G3BP2: variants seen among roughly 807,000 people sequenced by gnomAD.
The protein encoded by G3BP2 is G3BP stress granule assembly factor 2, also known as ras GTPase-activating protein-binding protein 2.
A neutral mutation model predicts 56.7 loss-of-function variants in G3BP2; 11 were observed. That is an observed-to-expected ratio of 0.19 (90% confidence interval 0.12 to 0.32). The LOEUF (loss-of-function observed/expected upper bound fraction) is 0.32, where lower values mean the gene tolerates loss of function less well. Among genes scored for constraint, G3BP2 ranks in the 10% least tolerant of loss-of-function variants. The pLI, the probability that G3BP2 is intolerant of heterozygous loss-of-function variation, is 1.00. For synonymous variants in G3BP2, 165 were observed against 191.6 expected, an observed-to-expected ratio of 0.86 and a Z score of 1.15; for missense variants, 340 against 610.9, an observed-to-expected ratio of 0.56 and a Z score of 4.67.
chr4:75,715,853 G>T (rs72855743), intron 3 of G3BP2, among the ~76,000 whole-genome samples: 4,459 of 152,258 alleles, frequency 0.029, 202 homozygotes, highest in African/African-American at 0.1. Context: ...AAAAAACAAA[G>T]ATCCTGGTAT....
chr4:75,675,809 C>T (rs1425780908), upstream of G3BP2, among the ~76,000 whole-genome samples: 1 of 152,114 alleles, frequency 6.6e-6, no homozygotes, highest in Non-Finnish European at 1.5e-5. Flanking sequence ...AAACAAACAC[C>T]ACTGATCTAG....
At chr4:75,653,888 A>G in intron 8 of G3BP2, 95 bp downstream of exon 8, 3 of 655,964 alleles carry the variant, frequency 4.6e-6, no homozygotes, top group South Asian at 3.6e-5. Context: ...TATTTAATCC[A>G]TAATTTCTGA....
In G3BP2 at chr4:75,696,233, C is replaced by G. The variant is rs558158750; in HGVS notation, c.-25+24644G>C. On this transcript the variant is annotated intron_variant, in intron 3 of 3. Transcript: ENST00000499709. ...AGGTGTTGAGGAAGTTAGAGAGGAG[C>G]CAGACAAACCCTAGTATTTATGGTA... Among the ~76,000 whole-genome samples, 9 of 152,176 alleles carry G rather than the reference C, an allele frequency of 5.9e-5. No homozygotes were observed. In the East Asian group the frequency reaches 1.7e-3, roughly 29 times the overall value.
intron 8 of G3BP2, among the ~76,000 whole-genome samples, chr4:75,652,289 AG>A: frequency 6.6e-6 from 1 of 152,298 alleles, no homozygotes; most frequent in Middle Eastern, 3.4e-3. Flanking sequence ...AATACAGATA[AG>A]ATACATGACT....
intron 3 of G3BP2, among the ~76,000 whole-genome samples, chr4:75,681,718 G>A (rs1440022094): frequency 2.7e-5 from 4 of 149,856 alleles, no homozygotes; most frequent in Non-Finnish European, 5.9e-5. Flanking sequence ...GCGTGGTGGT[G>A]TGTGCCTGTA....
chr4:75,692,548 G>A, intron 3 of G3BP2, among the ~76,000 whole-genome samples: 1 of 152,008 alleles, frequency 6.6e-6, no homozygotes, highest in Non-Finnish European at 1.5e-5. Flanking sequence ...CTGACCTTGT[G>A]ATCCACCCAC....
chr4:75,657,149 T>A (rs901141435), intron 4 of G3BP2, 135 bp from the exon 5 acceptor site: 1 of 549,084 alleles, frequency 1.8e-6, no homozygotes, highest in South Asian at 2.6e-5. Context: ...ATGCTGAACA[T>A]GCTATGATGT....
intron 3 of G3BP2, among the ~76,000 whole-genome samples, chr4:75,709,272 T>C (rs189213253): frequency 7.6e-4 from 115 of 151,722 alleles, no homozygotes; most frequent in African/African-American, 2.7e-3. Context: ...ATACAAAAAT[T>C]AGCCAGGTGC....
At chr4:75,707,117 T>C (rs943808436) in intron 3 of G3BP2, among the ~76,000 whole-genome samples, 6 of 141,056 alleles carry the variant, frequency 4.3e-5, no homozygotes, top group Non-Finnish European at 9.0e-5. Flanking sequence ...GAAGTTGCAG[T>C]GAGCCAAGAT....
At chr4:75,708,357 C>G (rs1390877863) in intron 3 of G3BP2, among the ~76,000 whole-genome samples, 2 of 152,118 alleles carry the variant, frequency 1.3e-5, no homozygotes, top group Non-Finnish European at 2.9e-5. Flanking sequence ...ATGAATAGCC[C>G]AAGACCTAGG....
chr4:75,677,686 C>T (rs897181211), upstream of G3BP2, among the ~76,000 whole-genome samples: 4 of 152,080 alleles, frequency 2.6e-5, no homozygotes, highest in African/African-American at 7.2e-5. Flanking sequence ...AATCCAAGTC[C>T]TTAAGGGAAA....
At chr4:75,720,028 T>TTTTTTTTTTTG in intron 3 of G3BP2, among the ~76,000 whole-genome samples, 1 of 142,122 alleles carries the variant, frequency 7.0e-6, no homozygotes, top group South Asian at 2.3e-4. Flanking sequence ...AACCCTTTTT[T>TTTTTTTTTTTG]TTTTTTGAGA....
At chr4:75,701,932 T>C (rs1247938163) in intron 3 of G3BP2, among the ~76,000 whole-genome samples, 1 of 152,152 alleles carries the variant, frequency 6.6e-6, no homozygotes, top group African/African-American at 2.4e-5. Context: ...TCTGGGATCT[T>C]ACCTATCTAA....
intron 1 of G3BP2, among the ~76,000 whole-genome samples, chr4:75,669,888 T>G (rs758924280): frequency 6.6e-6 from 1 of 151,966 alleles, no homozygotes; most frequent in Non-Finnish European, 1.5e-5. Flanking sequence ...AGGTCAGGAG[T>G]TCGAGACCAG....
chr4:75,657,808 G>T (rs2271512), intron 3 of G3BP2, 78 bp from the exon 4 acceptor site: 3 of 889,834 alleles, frequency 3.4e-6, no homozygotes, highest in Non-Finnish European at 3.5e-6. Context: ...TACCCTCATT[G>T]ATTTCCTTAC....
chr4:75,654,381 C>G (rs1731924503), intron 7 of G3BP2, among the ~76,000 whole-genome samples: 1 of 152,270 alleles, frequency 6.6e-6, no homozygotes, highest in South Asian at 2.1e-4. Flanking sequence ...CTAGAAAAAC[C>G]TGAACCTAAT....
intron 10 of G3BP2, 41 bp downstream of exon 10, chr4:75,646,988 A>C: frequency 1.5e-6 from 2 of 1,337,670 alleles, no homozygotes; most frequent in Non-Finnish European, 2.1e-6. Flanking sequence ...TGCTTAATTT[A>C]AAATAATTTA....
intron 1 of G3BP2, 68 bp from the exon 2 acceptor site, chr4:75,662,117 T>G: frequency 1.0e-6 from 1 of 966,050 alleles, no homozygotes; most frequent in Non-Finnish European, 1.6e-6. Context: ...TGAAATAAAT[T>G]TTCTTTTTAG....
At chr4:75,722,304 C>T (rs555558263) in intron 1 of G3BP2, among the ~76,000 whole-genome samples, 15 of 152,314 alleles carry the variant, frequency 9.8e-5, no homozygotes, top group Non-Finnish European at 1.9e-4. Flanking sequence ...GTTACTACTA[C>T]ACTCACGAAA....
Sources: allele counts gnomAD v4.1 joint callset (sites outside exome capture counted in the v4.1 genomes callset), GRCh38; gene constraint gnomAD v4.1.1; transcripts MANE v1.5; gene names NCBI Gene and HGNC (gene_info 2026-07-23, HGNC 2026-07-21).